CLC: variants seen among roughly 807,000 people sequenced by gnomAD.
The protein encoded by CLC is galectin-10.
A neutral mutation model predicts 13.9 loss-of-function variants in CLC; 15 were observed. The observed-to-expected ratio is 1.08, with a 90% CI of 0.72 to 1.66. The LOEUF (loss-of-function observed/expected upper bound fraction) is 1.66, where lower values mean the gene tolerates loss of function less well. Among genes scored for constraint, CLC ranks in the 40% most tolerant of loss-of-function variants. The pLI is 0.00. For synonymous variants in CLC, 68 were observed against 59.9 expected, an observed-to-expected ratio of 1.14 and a Z score of -0.63; for missense variants, 161 against 169.1, an observed-to-expected ratio of 0.95 and a Z score of 0.27.
At chr19:39,737,480 C>T (rs936845365) in intron 1 of CLC, among the ~76,000 whole-genome samples, 2 of 151,962 alleles carry the variant, frequency 1.3e-5, no homozygotes, top group Admixed American at 1.3e-4. Flanking sequence ...CACACACTCA[C>T]AGTCACACAG....
chr19:39,734,333 C>T lies in CLC; in HGVS notation c.253G>A (p.Asp85Asn). Residue 85 changes from aspartate to asparagine, a missense_variant, in exon 3 of 4, where the codon GAT becomes AAT. Physicochemically the swap from Asp to Asn is conservative, Grantham distance 23 (BLOSUM62 1). Transcript: ENST00000221804. Reference sequence around the variant, plus strand: ...ATGCTCAGTTCAAATTCTTGGCCATCCTGAAAGGGCATATTCTTGGATTCC... The same window carrying T: ...ATGCTCAGTTCAAATTCTTGGCCATTCTGAAAGGGCATATTCTTGGATTCC... ...QVESKNMPFQ[D>N]GQEFELSISV... The T allele has an allele frequency of 1.2e-6, 2 of 1,614,066 alleles. No individual in the cohort carries two copies. Among genetic ancestry groups the T allele is most frequent in the Non-Finnish European group, 1.7e-6 (2 of 1,179,980 alleles).
chr19:39,737,469 A>C (rs2144920627), intron 1 of CLC, among the ~76,000 whole-genome samples: 1 of 151,992 alleles, frequency 6.6e-6, no homozygotes, highest in South Asian at 2.1e-4. Flanking sequence ...ACATTCCAGC[A>C]CACACACTCA....
intron 1 of CLC, among the ~76,000 whole-genome samples, chr19:39,737,206 G>A (rs17709471): frequency 0.16 from 24,254 of 151,254 alleles, 2,313 homozygotes; most frequent in South Asian, 0.33. Context: ...TCCACCTAAG[G>A]AACCATCAGC....
At chr19:39,737,056 TG>T (rs1164985841) in intron 1 of CLC, among the ~76,000 whole-genome samples, 1 of 152,012 alleles carries the variant, frequency 6.6e-6, no homozygotes, top group East Asian at 1.9e-4. Flanking sequence ...TTCCTGGTTT[TG>T]GGTGATTCAG....
intron 2 of CLC, 85 bp from the exon 3 acceptor site, chr19:39,734,578 C>T (rs1007215835): frequency 2.4e-5 from 28 of 1,184,990 alleles, no homozygotes; most frequent in Middle Eastern, 4.4e-4. Context: ...TTGCCCCTTC[C>T]GTGGTCGAGC....
chr19:39,738,006 T>C lies in CLC; in HGVS notation c.-54A>G, dbSNP rs1967340449. 11 of 1,578,760 alleles carry C rather than the reference T, an allele frequency of 7.0e-6. No homozygotes were observed. Among genetic ancestry groups the C allele is most frequent in the Non-Finnish European group, 8.7e-6 (10 of 1,152,484 alleles). ...AATTGTGTCCAGACTTCTGTGTGAA[T>C]CTCTGAGCTGCAGAATTTAAATGGC... On this transcript the variant is annotated 5_prime_UTR_variant, in exon 1 of 4. Transcript: ENST00000221804.
At position 39,737,935 on chromosome 19, in the gene CLC, C is replaced by G. The variant is rs201504188; in HGVS notation, c.15+3G>C. 11 of 1,612,872 alleles carry G rather than the reference C, an allele frequency of 6.8e-6. No homozygotes were observed. In the East Asian group the frequency reaches 2.5e-4, roughly 36 times the overall value. ...TATTGAAGGCTGTGCCTTTTTAACT[C>G]ACGGGTAGCAGGGACATTGTTGTCT... On this transcript the variant is annotated splice_donor_region_variant and intron_variant, in intron 1 of 3. Transcript: ENST00000221804.
intron 3 of CLC, 51 bp downstream of exon 3, chr19:39,734,232 T>C: frequency 6.3e-7 from 1 of 1,577,608 alleles, no homozygotes; most frequent in Non-Finnish European, 8.7e-7. Context: ...AGCTGCCTCC[T>C]GCTCTGAGAT....
At chr19:39,734,847 C>T (rs1255983524) in intron 2 of CLC, 150 bp downstream of exon 2, 2 of 649,832 alleles carry the variant, frequency 3.1e-6, no homozygotes, top group Admixed American at 2.6e-5. Context: ...AGGTTTTGTT[C>T]CTGGTGCTGG....
chr19:39,736,774 CAAA>C (rs71171518), intron 1 of CLC, among the ~76,000 whole-genome samples: 65,119 of 137,842 alleles, frequency 0.47, 15,208 homozygotes, highest in South Asian at 0.65. Context: ...GACTCTGTCT[CAAA>C]AAAAAAAAAA....
chr19:39,732,376 T>A (rs1967239955), intron 3 of CLC, among the ~76,000 whole-genome samples: 1 of 89,574 alleles, frequency 1.1e-5, no homozygotes, highest in Admixed American at 9.0e-5. Flanking sequence ...AATGATGATT[T>A]CCAATTTCAT....
intron 3 of CLC, chr19:39,733,987 G>A: frequency 1.0e-6 from 1 of 985,296 alleles, no homozygotes; most frequent in Middle Eastern, 5.2e-4. Context: ...CATTGACCCT[G>A]GTCAGGTATG....
chr19:39,736,933 G>T (rs565470359), intron 1 of CLC, among the ~76,000 whole-genome samples: 1 of 152,228 alleles, frequency 6.6e-6, no homozygotes, highest in Admixed American at 6.5e-5. Context: ...TCCCAGGCTG[G>T]TCTACCAGTC....
At chr19:39,737,710 T>C (rs364911) in intron 1 of CLC, among the ~76,000 whole-genome samples, 100,438 of 151,768 alleles carry the variant, frequency 0.66, 33,883 homozygotes, top group African/African-American at 0.74. Flanking sequence ...TCTCATCAGA[T>C]ACCATCACAT....
At chr19:39,735,635 A>C (rs395892) in intron 1 of CLC, among the ~76,000 whole-genome samples, 4 of 152,042 alleles carry the variant, frequency 2.6e-5, no homozygotes, top group African/African-American at 7.2e-5. Context: ...CCTTAGATCT[A>C]TTGCTTAAAC....
At chr19:39,737,533 A>C (rs1039560884) in intron 1 of CLC, among the ~76,000 whole-genome samples, 1 of 152,134 alleles carries the variant, frequency 6.6e-6, no homozygotes, top group South Asian at 2.1e-4. Flanking sequence ...CTCACTGTGC[A>C]TATAAAGATG....
chr19:39,732,877 T>C (rs1184453624), intron 3 of CLC, among the ~76,000 whole-genome samples: 1 of 142,518 alleles, frequency 7.0e-6, no homozygotes, highest in Non-Finnish European at 1.6e-5. Context: ...AAGGACTTCA[T>C]GTCCAAAACA....
At chr19:39,734,629 G>GAAGCAGCCCCA in intron 2 of CLC, 136 bp from the exon 3 acceptor site, 1 of 708,564 alleles carries the variant, frequency 1.4e-6, no homozygotes, top group Non-Finnish European at 2.4e-6. Flanking sequence ...TTGTGGGGCT[G>GAAGCAGCCCCA]CTTCAGCTCC....
Position 39,731,370 on chromosome 19 carries a change from T to A in CLC, c.*10A>T. The A allele has an allele frequency of 6.2e-7, 1 of 1,612,838 alleles. No individual in the cohort carries two copies. Among genetic ancestry groups the A allele is most frequent in the Non-Finnish European group, 8.5e-7 (1 of 1,179,418 alleles). On this transcript the variant is annotated 3_prime_UTR_variant, in exon 4 of 4. Transcript: ENST00000221804. ...TAGAGACAGGGATTCCTTGGCAACA[T>A]GAAGTCTGGTTATCTCTTTAAATAG...
Sources: allele counts gnomAD v4.1 joint callset (sites outside exome capture counted in the v4.1 genomes callset), GRCh38; gene constraint gnomAD v4.1.1; transcripts MANE v1.5; gene names NCBI Gene and HGNC (gene_info 2026-07-23, HGNC 2026-07-21).